KNDC1: variants seen among roughly 807,000 people sequenced by gnomAD.
The protein encoded by KNDC1 is kinase non-catalytic C-lobe domain containing 1.
KNDC1 carries 106 observed loss-of-function variants against 172.8 expected under a neutral mutation model. The ratio of observed to expected loss-of-function variants is 0.61; its 90% CI spans 0.52 to 0.72. The LOEUF is 0.72. Among genes scored for constraint, KNDC1 ranks in the 30% least tolerant of loss-of-function variants. The pLI, the probability that KNDC1 is intolerant of heterozygous loss-of-function variation, is 0.00. For missense variants in KNDC1, 2,325 were observed against 2,394.5 expected, an observed-to-expected ratio of 0.97 and a Z score of 0.61; for synonymous variants, 1,083 against 1,062.2, an observed-to-expected ratio of 1.02 and a Z score of -0.38.
chr10:133,207,152 C>A lies in KNDC1; in HGVS notation c.3595C>A (p.Arg1199Ser). ...GCTCCGGCAGGTCATGTACGCGGAA[C>A]GCTGGGGCCTGGAGCCCTGCACCCT... ...KKYLQVMYAE[R>S]WGLEPCTLPV... is the part of the protein sequence containing the mutation. Residue 1199 changes from arginine to serine, a missense_variant, in exon 20 of 30, where the codon CGC (arginine) becomes AGC (serine). Physicochemically the swap from Arg to Ser is moderately radical, Grantham distance 110. Coordinates refer to ENST00000304613, the MANE Select transcript of KNDC1 (RefSeq NM_152643.8). 1 of 1,595,496 alleles carries A rather than the reference C, an allele frequency of 6.3e-7. No individual in the cohort carries two copies. Among genetic ancestry groups the A allele is most frequent in the Non-Finnish European group, 8.5e-7 (1 of 1,172,186 alleles).
At chr10:133,187,704 A>G (rs1853959290) in intron 6 of KNDC1, among the ~76,000 whole-genome samples, 1 of 152,130 alleles carries the variant, frequency 6.6e-6, no homozygotes, top group African/African-American at 2.4e-5. Context: ...GAGGCCTTGG[A>G]GTGGAGAGTG....
In KNDC1 at chr10:133,198,637, A is replaced by G. The variant is rs778316348; in HGVS notation, c.2129A>G (p.Glu710Gly). 1.2e-6 allele frequency: 2 copies of G among 1,605,628 alleles called. No individual in the cohort carries two copies. Among genetic ancestry groups the G allele is most frequent in the African/African-American group, 1.3e-5 (1 of 74,956 alleles). Residue 710 changes from glutamate to glycine, a missense_variant, in exon 14 of 30, where the codon GAA becomes GGA. By Grantham distance (98) the Glu-to-Gly change is moderately conservative. Transcript: ENST00000304613. ...SEERGGQREG[E>G]GEEKLSLEAH... is the part of the protein sequence containing the mutation. The stretch of plus-strand genomic sequence containing the variant: ...GAGAGGGGCGGCCAGAGGGAGGGAG[A>G]AGGTGAGGAGAAGCTCTCCCTGGAG...
chr10:133,167,120 C>T, intron 1 of KNDC1: 1 of 527,520 alleles, frequency 1.9e-6, no homozygotes. Flanking sequence ...GGGAGGAAGG[C>T]CCCGTGCCCA....
chr10:133,202,554 C>G, intron 17 of KNDC1: 1 of 453,472 alleles, frequency 2.2e-6, no homozygotes, highest in Non-Finnish European at 4.4e-6. Context: ...ACAGGAGGGG[C>G]CCAGTGGCCA....
rs1202984319 is a variant in KNDC1 at position 133,167,434 on chromosome 10, G to A, written c.156G>A (p.Glu52=). Residue 52 remains glutamate, a synonymous_variant, in exon 2 of 30, where the codon GAG becomes GAA. Transcript: ENST00000304613. ...ILSLRDRGLS[E]QEAWAVCLEC... ...CCCTGCGGGACCGCGGCCTCAGCGA[G>A]CAGGAAGCCTGGGCCGTGTGCCTGG... The A allele has an allele frequency of 2.5e-6, 4 of 1,605,732 alleles. No homozygotes were observed. The highest frequency in any genetic ancestry group is 3.4e-5 in the Admixed American group (2 of 59,030).
chr10:133,178,221 T>C (rs1302866442), intron 3 of KNDC1, among the ~76,000 whole-genome samples: 1 of 152,054 alleles, frequency 6.6e-6, no homozygotes, highest in African/African-American at 2.4e-5. Context: ...ATGTGGTGTG[T>C]GTGCATGCAT....
Position 133,186,070 on chromosome 10 carries a change from C to A in KNDC1, c.722C>A (p.Pro241Gln). ...GDPSTDPEVLPTPEGPESETS... is the reference protein window; with the variant it reads ...GDPSTDPEVLQTPEGPESETS... Reference sequence around the variant, plus strand: ...CCCAGCACTGACCCGGAGGTTCTGCCGACCCCCGAAGGCCCGGAGTCTGAG... The same window carrying A: ...CCCAGCACTGACCCGGAGGTTCTGCAGACCCCCGAAGGCCCGGAGTCTGAG... Residue 241 changes from proline (P) to glutamine (Q), a missense_variant, in exon 6 of 30, where the codon CCG (proline) becomes CAG (glutamine). By Grantham distance (76) the Pro-to-Gln change is moderately conservative. Coordinates refer to ENST00000304613, the MANE Select transcript of KNDC1 (RefSeq NM_152643.8). 6.3e-7 allele frequency: 1 copy of A among 1,598,486 alleles called. No homozygotes were observed. The highest frequency in any genetic ancestry group is 8.5e-7 in the Non-Finnish European group (1 of 1,173,722).
intron 26 of KNDC1, among the ~76,000 whole-genome samples, chr10:133,215,979 C>T (rs1034283346): frequency 6.6e-6 from 1 of 152,264 alleles, no homozygotes; most frequent in Non-Finnish European, 1.5e-5. Context: ...GCCGGAGACC[C>T]ACTTCTAAAA....
chr10:133,225,196 G>A lies in KNDC1; in HGVS notation c.*306G>A, dbSNP rs766565228. 1.9e-5 allele frequency: 7 copies of A among 364,072 alleles called. No individual in the cohort carries two copies. The highest frequency in any genetic ancestry group is 3.1e-5 in the Non-Finnish European group (6 of 191,244). The allele number at this position is 364,072 out of a possible 1,614,324, so 22.6% of individuals were successfully genotyped here. A position where few individuals can be genotyped will look rare whatever the true frequency, so the allele number is the denominator to read the frequency against. On this transcript the variant is annotated 3_prime_UTR_variant, in exon 30 of 30. Transcript: ENST00000304613. ...CTTCCCAGGAGTTTTGTGCCTGTCT[G>A]CGCCTCTCACACACAGATAAGTGGC...
At chr10:133,222,284 A>AC (rs1158014838) in intron 29 of KNDC1, among the ~76,000 whole-genome samples, 1 of 150,012 alleles carries the variant, frequency 6.7e-6, no homozygotes, top group East Asian at 1.9e-4. Flanking sequence ...CTCCGTCTCA[A>AC]AAAAAAAAAA....
intron 1 of KNDC1, among the ~76,000 whole-genome samples, chr10:133,166,940 G>A (rs1291955373): frequency 6.6e-6 from 1 of 152,200 alleles, no homozygotes; most frequent in Admixed American, 6.5e-5. Flanking sequence ...TGTAAGTCAT[G>A]TGAGTGTCAG....
chr10:133,208,249 G>A (rs1447244189), intron 20 of KNDC1, among the ~76,000 whole-genome samples: 5 of 146,438 alleles, frequency 3.4e-5, no homozygotes, highest in Non-Finnish European at 7.6e-5. Context: ...GGACCCTCTA[G>A]AGAGGGACGT....
chr10:133,197,259 C>T, intron 11 of KNDC1, 124 bp downstream of exon 11: 1 of 749,594 alleles, frequency 1.3e-6, no homozygotes, highest in Non-Finnish European at 2.3e-6. Context: ...GACCACCGAG[C>T]TGTGGGTGGG....
At chr10:133,191,197 G>T (rs1468537316) in intron 9 of KNDC1, among the ~76,000 whole-genome samples, 1 of 150,418 alleles carries the variant, frequency 6.6e-6, no homozygotes, top group East Asian at 1.9e-4. Context: ...AAATTAGCCG[G>T]GTGTGGTGGC....
At chr10:133,165,032 A>G (rs1293913832) in intron 1 of KNDC1, among the ~76,000 whole-genome samples, 1 of 152,174 alleles carries the variant, frequency 6.6e-6, no homozygotes, top group African/African-American at 2.4e-5. Flanking sequence ...CCCGGGGCCC[A>G]GAGTTCAGGC....
intron 3 of KNDC1, among the ~76,000 whole-genome samples, chr10:133,177,877 G>GGT (rs766157977): frequency 6.7e-6 from 1 of 149,822 alleles, no homozygotes. Flanking sequence ...TGTGTAGCAT[G>GGT]GTGTGTGTGT....
In KNDC1 at chr10:133,186,022, G is replaced by A. The variant is rs1183525514; in HGVS notation, c.674G>A (p.Gly225Glu). 2 of 1,589,280 alleles carry A rather than the reference G, an allele frequency of 1.3e-6. No homozygotes were observed. Among genetic ancestry groups the A allele is most frequent in the East Asian group, 2.3e-5 (1 of 43,098 alleles). The part of the protein sequence containing the change: ...WRERPAPGNA[G>E]PRRPPGDPST... ...GAGAGACCTGCCCCAGGAAACGCTG[G>A]GCCCAGGAGGCCGCCCGGGGACCCC... The change falls in exon 6 of 30, where the codon GGG becomes GAG. Residue 225 changes from glycine to glutamate, a missense_variant. Gly to Glu is a moderately conservative substitution (Grantham distance 98, BLOSUM62 -2). Transcript: ENST00000304613.
In KNDC1 at chr10:133,224,484, G is replaced by C. The variant is rs1439069451; in HGVS notation, c.5019-175G>C. 1.3e-5 allele frequency among the ~76,000 whole-genome samples: 2 copies of C among 152,188 alleles called. No homozygotes were observed. Among genetic ancestry groups the C allele is most frequent in the East Asian group, 1.9e-4 (1 of 5,186 alleles). On this transcript the variant is annotated intron_variant, in intron 29 of 29. Coordinates refer to ENST00000304613, the MANE Select transcript of KNDC1 (RefSeq NM_152643.8). This position sits in a 1 kb window ranked among gnomAD's most constrained non-coding sequence, Gnocchi z 5.4. Reference sequence around the variant, plus strand: ...GATGGACAGTCAGACAGACGGAAAGGTCTGAGTAGTGACCTTTCCACCTCG... The same window carrying C: ...GATGGACAGTCAGACAGACGGAAAGCTCTGAGTAGTGACCTTTCCACCTCG...
intron 1 of KNDC1, among the ~76,000 whole-genome samples, chr10:133,161,494 A>G (rs1419624036): frequency 6.6e-6 from 1 of 151,994 alleles, no homozygotes; most frequent in Non-Finnish European, 1.5e-5. Context: ...CGCAGTCCCC[A>G]CCTGCTGCCC....
Sources: allele counts gnomAD v4.1 joint callset (sites outside exome capture counted in the v4.1 genomes callset), GRCh38; gene constraint gnomAD v4.1.1; non-coding constraint Gnocchi (gnomAD v3.1); transcripts MANE v1.5; gene names NCBI Gene and HGNC (gene_info 2026-07-23, HGNC 2026-07-21).